ZMIZ1: variants seen among roughly 807,000 people sequenced by gnomAD.
ZMIZ1 encodes the protein zinc finger MIZ-type containing 1.
A neutral mutation model predicts 113.9 loss-of-function variants in ZMIZ1; 17 were observed. The observed-to-expected ratio is 0.15, with a 90% CI of 0.10 to 0.22. The LOEUF (loss-of-function observed/expected upper bound fraction) is 0.22, where lower values mean the gene tolerates loss of function less well. ZMIZ1 is among the 10% of genes least tolerant of loss of function. ZMIZ1 has a pLI of 1.00. For missense variants in ZMIZ1, 1,059 were observed against 1,477.8 expected (o/e 0.72, Z 4.65); for synonymous variants, 607 against 603.1 (o/e 1.01, Z -0.09).
At chr10:79,292,067 G>A (rs886825244) in intron 10 of ZMIZ1, 91 bp from the exon 11 acceptor site, 5 of 1,293,456 alleles carry the variant, frequency 3.9e-6, no homozygotes, top group Non-Finnish European at 5.5e-6. Flanking sequence ...TCTGGGTACA[G>A]CTCCATCATC....
intron 7 of ZMIZ1, among the ~76,000 whole-genome samples, chr10:79,242,776 G>C (rs1223361357): frequency 6.6e-6 from 1 of 152,122 alleles, no homozygotes; most frequent in Non-Finnish European, 1.5e-5. Flanking sequence ...TGCCTGGGCG[G>C]GGGAAGGAAA....
intron 14 of ZMIZ1, 135 bp from the exon 15 acceptor site, chr10:79,298,271 G>A: frequency 9.8e-7 from 1 of 1,016,598 alleles, no homozygotes; most frequent in Non-Finnish European, 1.4e-6. Flanking sequence ...AGAGAGAAGA[G>A]TTTCCCTGGA....
chr10:79,070,269 G>C (rs939915549), intron 1 of ZMIZ1, among the ~76,000 whole-genome samples: 1 of 151,812 alleles, frequency 6.6e-6, no homozygotes, highest in Non-Finnish European at 1.5e-5. Context: ...TCGCCCCCTC[G>C]CTGGGGACAT....
intron 1 of ZMIZ1, among the ~76,000 whole-genome samples, chr10:79,094,952 T>TG (rs1843120365): frequency 2.1e-5 from 3 of 141,760 alleles, no homozygotes; most frequent in Non-Finnish European, 3.1e-5. Context: ...CTGCCCCTCC[T>TG]GGAAAAAAAA....
At chr10:79,116,013 A>G (rs752796147) in intron 1 of ZMIZ1, among the ~76,000 whole-genome samples, 1 of 152,160 alleles carries the variant, frequency 6.6e-6, no homozygotes, top group African/African-American at 2.4e-5. Flanking sequence ...TTTTGTTTTA[A>G]TAGATAATTA....
At chr10:79,143,609 G>A (rs1387773381) in intron 3 of ZMIZ1, among the ~76,000 whole-genome samples, 1 of 152,194 alleles carries the variant, frequency 6.6e-6, no homozygotes, top group South Asian at 2.1e-4. Context: ...GCTGAGAACT[G>A]GCAGTCCAGA....
At chr10:79,140,846 G>A (rs143146818) in intron 3 of ZMIZ1, among the ~76,000 whole-genome samples, 2 of 152,196 alleles carry the variant, frequency 1.3e-5, no homozygotes, top group East Asian at 1.9e-4. Context: ...GCAGTGACAC[G>A]AACATGATTC....
At chr10:79,072,595 ATTG>A (rs1458829481) in intron 1 of ZMIZ1, among the ~76,000 whole-genome samples, 1 of 152,224 alleles carries the variant, frequency 6.6e-6, no homozygotes, top group Non-Finnish European at 1.5e-5. Flanking sequence ...AGGGTGAGGC[ATTG>A]TTGTAAGAAA....
chr10:79,256,617 A>G (rs1292962691), intron 7 of ZMIZ1, among the ~76,000 whole-genome samples: 1 of 152,266 alleles, frequency 6.6e-6, no homozygotes, highest in East Asian at 1.9e-4. Flanking sequence ...TGGTTTCACA[A>G]GAAATGCCCT....
At chr10:79,242,676 A>G (rs2132839922) in intron 7 of ZMIZ1, among the ~76,000 whole-genome samples, 1 of 150,268 alleles carries the variant, frequency 6.7e-6, no homozygotes, top group Middle Eastern at 3.6e-3. Context: ...GAGACACCCG[A>G]AGTCATCCAC....
intron 5 of ZMIZ1, among the ~76,000 whole-genome samples, chr10:79,202,484 G>C (rs1848144418): frequency 6.6e-6 from 1 of 152,062 alleles, no homozygotes; most frequent in South Asian, 2.1e-4. Context: ...AGAGGTCCTA[G>C]GAAATCATAT....
Position 79,296,383 on chromosome 10 carries a change from C to T in ZMIZ1, c.1231-88C>T, listed in dbSNP as rs1473680797. The T allele has an allele frequency of 1.8e-5, 26 of 1,419,092 alleles. No homozygotes were observed. The highest frequency in any genetic ancestry group is 6.9e-5 in the East Asian group (3 of 43,220). 87.9% of individuals were successfully genotyped at this position (1,419,092 alleles called of 1,614,324 possible). A position where few individuals can be genotyped will look rare whatever the true frequency, so the allele number is the denominator to read the frequency against. On this transcript the variant is annotated intron_variant, in intron 12 of 24. Coordinates refer to ENST00000334512, the MANE Select transcript of ZMIZ1 (RefSeq NM_020338.4). The surrounding 1 kb of genome is among the most constrained non-coding windows in gnomAD (Gnocchi z 4.1). Reference sequence around the variant, plus strand: ...AACAGCAGGAGCAAATGAGGAGAGGCGGGCCCCATCCCGTTGTTCAGGTGA... The same window carrying T: ...AACAGCAGGAGCAAATGAGGAGAGGTGGGCCCCATCCCGTTGTTCAGGTGA...
chr10:79,139,637 C>A (rs1445383366), intron 2 of ZMIZ1, 45 bp from the exon 3 acceptor site: 13 of 398,218 alleles, frequency 3.3e-5, no homozygotes, highest in Non-Finnish European at 1.3e-5. Flanking sequence ...GGACGGCACA[C>A]CGGCCTGCTC....
At chr10:79,282,674 G>C (rs1365500626) in intron 8 of ZMIZ1, among the ~76,000 whole-genome samples, 1 of 152,240 alleles carries the variant, frequency 6.6e-6, no homozygotes, top group Non-Finnish European at 1.5e-5. Flanking sequence ...TGCTGATGGG[G>C]GACATGGTGC....
chr10:79,254,073 C>T (rs1054071507), intron 7 of ZMIZ1, among the ~76,000 whole-genome samples: 2 of 152,228 alleles, frequency 1.3e-5, no homozygotes, highest in South Asian at 2.1e-4. Context: ...AACAAAGTCC[C>T]TGGGAGAGAA....
At chr10:79,102,940 TGAG>T (rs1194715437) in intron 1 of ZMIZ1, among the ~76,000 whole-genome samples, 36 of 152,188 alleles carry the variant, frequency 2.4e-4, no homozygotes, top group Admixed American at 1.3e-4. Context: ...GAAACCAGCT[TGAG>T]GAGGTGCTGA....
Position 79,118,734 on chromosome 10 carries a change from G to A in ZMIZ1, c.-336-181G>A, listed in dbSNP as rs1274525489. ...GGGGCTTCGAATGTGACGTTCAGGA[G>A]CTGCGACCTTTATTTGGCAGTGGCA... On this transcript the variant is annotated intron_variant, in intron 1 of 24. Coordinates refer to ENST00000334512, the MANE Select transcript of ZMIZ1 (RefSeq NM_020338.4). This position sits in a 1 kb window ranked among gnomAD's most constrained non-coding sequence, Gnocchi z 4.1. Among the ~76,000 whole-genome samples, 2 of 152,234 alleles carry A rather than the reference G, an allele frequency of 1.3e-5. No homozygotes were observed. The highest frequency in any genetic ancestry group is 2.4e-5 in the African/African-American group (1 of 41,474).
At chr10:79,138,400 C>T (rs1290525815) in intron 2 of ZMIZ1, among the ~76,000 whole-genome samples, 1 of 152,242 alleles carries the variant, frequency 6.6e-6, no homozygotes, top group Admixed American at 6.5e-5. Flanking sequence ...CCAGAGGCCT[C>T]AGAGAATGCT....
chr10:79,081,012 G>A (rs1842639780), intron 1 of ZMIZ1, among the ~76,000 whole-genome samples: 1 of 152,058 alleles, frequency 6.6e-6, no homozygotes, highest in Non-Finnish European at 1.5e-5. Context: ...GATGACTTAT[G>A]CCCCATCTAC....
Sources: allele counts gnomAD v4.1 joint callset (sites outside exome capture counted in the v4.1 genomes callset), GRCh38; gene constraint gnomAD v4.1.1; non-coding constraint Gnocchi (gnomAD v3.1); transcripts MANE v1.5; gene names NCBI Gene and HGNC (gene_info 2026-07-23, HGNC 2026-07-21).